The following KAT7 variants were observed in gnomAD, a reference collection of about 807,000 sequenced individuals.
The protein encoded by KAT7 is lysine acetyltransferase 7.
A neutral mutation model predicts 82.1 loss-of-function variants in KAT7; 10 were observed. The observed-to-expected ratio is 0.12, with a 90% CI of 0.08 to 0.21. KAT7 has a LOEUF of 0.21. KAT7 is among the 10% of genes least tolerant of loss of function. The pLI is 1.00. For missense variants in KAT7, 378 were observed against 760.9 expected, an observed-to-expected ratio of 0.50 and a Z score of 5.92; for synonymous variants, 250 against 262.5, an observed-to-expected ratio of 0.95 and a Z score of 0.46.
Position 49,830,636 on chromosome 17 carries a change from T to A in KAT7, c.*3134T>A, listed in dbSNP as rs1422229643. On this transcript the variant is annotated 3_prime_UTR_variant, in exon 15 of 15. Transcript: ENST00000259021. ...CCATATGGTTGTCACTGTACCTTCATACTGCCTCATTTGACCCTCATATTA... is the reference window on the plus strand; with the variant it reads ...CCATATGGTTGTCACTGTACCTTCAAACTGCCTCATTTGACCCTCATATTA... The A allele has an allele frequency of 6.6e-6, 1 of 152,208 alleles. No homozygotes were observed. The highest frequency in any genetic ancestry group is 2.4e-5 in the African/African-American group (1 of 41,454). 9.4% of individuals were successfully genotyped at this position (152,208 alleles called of 1,614,324 possible).
At chr17:49,805,532 C>A in intron 5 of KAT7, 87 bp downstream of exon 5, 4 of 816,574 alleles carry the variant, frequency 4.9e-6, no homozygotes, top group African/African-American at 1.7e-5. Context: ...GATACAGTGG[C>A]CAACAAGATG....
chr17:49,794,575 C>T (rs917414597), intron 2 of KAT7, among the ~76,000 whole-genome samples: 2 of 152,218 alleles, frequency 1.3e-5, no homozygotes, highest in Non-Finnish European at 2.9e-5. Context: ...CGTGAGCCGC[C>T]GTGCCCAGCT....
Position 49,811,587 on chromosome 17 carries a change from T to G in KAT7, c.852+13T>G. ...AGAGAAATATATGGTGAGGGAAAGT[T>G]AAATATTTAATGAGCATGAACTCCT... On this transcript the variant is annotated intron_variant, in intron 7 of 14. Coordinates refer to ENST00000259021, the MANE Select transcript of KAT7 (RefSeq NM_007067.5). 1.5e-6 allele frequency: 2 copies of G among 1,305,402 alleles called. No individual in the cohort carries two copies. Among genetic ancestry groups the G allele is most frequent in the Non-Finnish European group, 2.1e-6 (2 of 952,112 alleles). 80.9% of individuals were successfully genotyped at this position (1,305,402 alleles called of 1,614,324 possible). A position where few individuals can be genotyped will look rare whatever the true frequency, so the allele number is the denominator to read the frequency against.
In KAT7 at chr17:49,821,630, C is replaced by A; in HGVS notation, c.1246-20C>A. 1 of 1,612,414 alleles carries A rather than the reference C, an allele frequency of 6.2e-7. No individual in the cohort carries two copies. Among genetic ancestry groups the A allele is most frequent in the Admixed American group, 1.7e-5 (1 of 60,000 alleles). On this transcript the variant is annotated intron_variant, in intron 10 of 14. Coordinates refer to ENST00000259021, the MANE Select transcript of KAT7 (RefSeq NM_007067.5). ...TAGGAATCAGTGGCCCACACATGAA[C>A]TCTGTTTCTCTGCTTCCAGATCTAC...
At chr17:49,790,788 C>G (rs2073877669) in intron 1 of KAT7, among the ~76,000 whole-genome samples, 1 of 152,098 alleles carries the variant, frequency 6.6e-6, no homozygotes, top group Non-Finnish European at 1.5e-5. Context: ...TCTAAAAATC[C>G]AAAACAATTA....
At position 49,793,557 on chromosome 17, in the gene KAT7, AGT is replaced by A. The variant is rs527257650; in HGVS notation, c.163+1527_163+1528del. ...TTTAACATGTTTTGAGCACTTCAAC[AGT>A]GTTGCTTTGGTTAATTTTTTTTTTT... is the stretch of plus-strand genomic sequence containing the variant. On this transcript the variant is annotated intron_variant, in intron 2 of 14. Transcript: ENST00000259021. Among the ~76,000 whole-genome samples, 8 of 151,960 alleles carry A rather than the reference AGT, an allele frequency of 5.3e-5. No homozygotes were observed. In the East Asian group the frequency reaches 1.5e-3, roughly 29 times the overall value.
At chr17:49,820,566 A>G (rs543925214) in intron 9 of KAT7, among the ~76,000 whole-genome samples, 142 of 152,280 alleles carry the variant, frequency 9.3e-4, no homozygotes, top group African/African-American at 3.3e-3. Context: ...GGCGTGAGCC[A>G]CCGCATCAGG....
chr17:49,822,101 T>G (rs1035008293), intron 11 of KAT7, among the ~76,000 whole-genome samples: 4 of 152,182 alleles, frequency 2.6e-5, no homozygotes, highest in African/African-American at 9.7e-5. Flanking sequence ...TTCTGCTGGC[T>G]TTGCCTGCCT....
intron 1 of KAT7, among the ~76,000 whole-genome samples, chr17:49,790,970 G>A (rs1310400094): frequency 6.6e-6 from 1 of 152,168 alleles, no homozygotes; most frequent in African/African-American, 2.4e-5. Context: ...GAACTCCTCA[G>A]GAGGATAATA....
rs987398477 is a variant in KAT7, at chr17:49,794,261, A to T, written c.163+2228A>T. 3.3e-5 allele frequency among the ~76,000 whole-genome samples: 5 copies of T among 152,184 alleles called. No homozygotes were observed. In the East Asian group the frequency reaches 9.6e-4, roughly 29 times the overall value. Reference sequence around the variant, plus strand: ...AGCCCAGAGGTGGGACAGCCAACTTAGGGCAGCACTCCCACAATGATGAAG... The same window carrying T: ...AGCCCAGAGGTGGGACAGCCAACTTTGGGCAGCACTCCCACAATGATGAAG... On this transcript the variant is annotated intron_variant, in intron 2 of 14. Transcript: ENST00000259021.
intron 4 of KAT7, among the ~76,000 whole-genome samples, chr17:49,798,760 A>T (rs2073987118): frequency 1.3e-5 from 2 of 150,538 alleles, no homozygotes; most frequent in South Asian, 4.2e-4. Flanking sequence ...GGTTGTAAGG[A>T]AATTAACTAT....
chr17:49,801,715 C>T (rs2074026708), intron 4 of KAT7, among the ~76,000 whole-genome samples: 2 of 152,304 alleles, frequency 1.3e-5, no homozygotes, highest in Admixed American at 1.3e-4. Flanking sequence ...GTCTTGAACT[C>T]CTGGGCTCAA....
chr17:49,788,711 G>C lies in KAT7; in HGVS notation c.-124G>C. 2.9e-6 allele frequency: 3 copies of C among 1,038,986 alleles called. No homozygotes were observed. The highest frequency in any genetic ancestry group is 4.1e-6 in the Non-Finnish European group (3 of 734,052). The allele number at this position is 1,038,986 out of a possible 1,614,324, so 64.4% of individuals were successfully genotyped here. A position where few individuals can be genotyped will look rare whatever the true frequency, so the allele number is the denominator to read the frequency against. On this transcript the variant is annotated 5_prime_UTR_variant, in exon 1 of 15. Coordinates refer to ENST00000259021, the MANE Select transcript of KAT7 (RefSeq NM_007067.5). ...ACGCTCCAGACGCTGAGAGGCAGGAGGCACTAGGGATCGTCCGCAGGATTG... is the reference window on the plus strand; with the variant it reads ...ACGCTCCAGACGCTGAGAGGCAGGACGCACTAGGGATCGTCCGCAGGATTG...
chr17:49,821,433 A>G lies in KAT7; in HGVS notation c.1245+7A>G, dbSNP rs767037164. 15 of 1,611,452 alleles carry G rather than the reference A, an allele frequency of 9.3e-6. No individual in the cohort carries two copies. The highest frequency in any genetic ancestry group is 1.3e-5 in the Non-Finnish European group (15 of 1,178,356). ...GGATGGCAAGAAAAACAAGGTAAAA[A>G]GTGGTGACTTTAGAAAGGAGTTGAA... On this transcript the variant is annotated splice_region_variant and intron_variant, in intron 10 of 14. Transcript: ENST00000259021.
intron 7 of KAT7, among the ~76,000 whole-genome samples, chr17:49,814,064 G>A (rs966309367): frequency 1.2e-4 from 18 of 152,012 alleles, no homozygotes; most frequent in Admixed American, 1.2e-3. Flanking sequence ...GCTGATTTTT[G>A]TAATTTTAGT....
intron 4 of KAT7, among the ~76,000 whole-genome samples, chr17:49,802,759 T>C (rs1422909210): frequency 1.3e-5 from 2 of 152,156 alleles, no homozygotes; most frequent in Non-Finnish European, 2.9e-5. Flanking sequence ...ACAGGGTCTC[T>C]CTGTCACCTA....
intron 4 of KAT7, among the ~76,000 whole-genome samples, chr17:49,801,650 C>T (rs550126035): frequency 6.6e-6 from 1 of 152,090 alleles, no homozygotes; most frequent in African/African-American, 2.4e-5. Context: ...CCACCATGCT[C>T]AGCTAATATT....
intron 1 of KAT7, among the ~76,000 whole-genome samples, chr17:49,790,954 A>G (rs564440084): frequency 6.6e-6 from 1 of 152,320 alleles, no homozygotes; most frequent in East Asian, 1.9e-4. Context: ...CTTTATGGCT[A>G]AGAAAGAACT....
chr17:49,805,998 A>T (rs2074087542), intron 5 of KAT7, among the ~76,000 whole-genome samples: 1 of 152,234 alleles, frequency 6.6e-6, no homozygotes, highest in Non-Finnish European at 1.5e-5. Flanking sequence ...TAATGTATTT[A>T]AGTAGAAGCT....
Sources: gnomAD v4.1 joint callset for allele counts (sites outside exome capture counted in the v4.1 genomes callset) on GRCh38, gnomAD v4.1.1 for gene constraint, MANE v1.5 for transcripts, NCBI Gene and HGNC (gene_info 2026-07-23, HGNC 2026-07-21) for gene names.